FER1L6: variants seen among roughly 807,000 people sequenced by gnomAD.
The protein encoded by FER1L6 is fer-1-like protein 6.
Under a neutral mutation model 219.2 loss-of-function variants are expected in FER1L6, and 177 were observed. The observed-to-expected ratio is 0.81, with a 90% confidence interval of 0.71 to 0.91. FER1L6 has a LOEUF of 0.91. Ranked by LOEUF, FER1L6 falls within the 40% of genes least tolerant of loss-of-function variation. The probability of loss-of-function intolerance (pLI) is 0.00; values close to 1 mark genes in which losing one functional copy is unlikely to be tolerated. For missense variants in FER1L6, 2,153 were observed against 2,259.9 expected (o/e 0.95, Z 0.96); for synonymous variants, 768 against 824.3 (o/e 0.93, Z 1.17).
rs1287386147 is a variant in FER1L6, at chr8:123,973,532, C to T, written c.526+20C>T. On this transcript the variant is annotated intron_variant, in intron 7 of 40. Coordinates refer to ENST00000522917, the MANE Select transcript of FER1L6 (RefSeq NM_001039112.2). ...AACCTGGTAAGAAAACATCACCTCC[C>T]CATCTGTATCTCACTTGTCTTTGGT... 3.8e-6 allele frequency: 6 copies of T among 1,580,084 alleles called. No individual in the cohort carries two copies. Among genetic ancestry groups the T allele is most frequent in the Non-Finnish European group, 5.2e-6 (6 of 1,149,146 alleles).
At chr8:123,939,116 T>A in intron 1 of FER1L6, 9 of 967,524 alleles carry the variant, frequency 9.3e-6, no homozygotes, top group Non-Finnish European at 1.1e-5. Context: ...CATAGGTTTG[T>A]ACTTGCTGGA....
At chr8:123,946,198 C>G (rs772252282) in intron 1 of FER1L6, among the ~76,000 whole-genome samples, 16 of 152,154 alleles carry the variant, frequency 1.1e-4, no homozygotes, top group Admixed American at 6.6e-4. Flanking sequence ...TCTTTCTTTT[C>G]TCTGGACTGG....
At chr8:124,026,847 G>A (rs1049841869) in intron 18 of FER1L6, among the ~76,000 whole-genome samples, 43 of 152,032 alleles carry the variant, frequency 2.8e-4, no homozygotes, top group African/African-American at 1.0e-3. Context: ...TAGGGCTACT[G>A]TAACAAAGTA....
intron 31 of FER1L6, among the ~76,000 whole-genome samples, chr8:124,075,094 G>T (rs1415016036): frequency 6.6e-6 from 1 of 152,084 alleles, no homozygotes; most frequent in African/African-American, 2.4e-5. Context: ...GTACACTTAG[G>T]CTACACTAAA....
At chr8:123,938,471 G>A (rs948776321) in intron 1 of FER1L6, among the ~76,000 whole-genome samples, 4 of 151,742 alleles carry the variant, frequency 2.6e-5, no homozygotes, top group African/African-American at 9.7e-5. Flanking sequence ...ACAATAATAA[G>A]TCCAGTGCTA....
Position 123,963,330 on chromosome 8 carries a change from A to G in FER1L6, c.129A>G (p.Gly43=). The G allele has an allele frequency of 6.2e-7, 1 of 1,614,156 alleles. No individual in the cohort carries two copies. Among genetic ancestry groups the G allele is most frequent in the Non-Finnish European group, 8.5e-7 (1 of 1,179,972 alleles). The change falls in exon 3 of 41, where the codon GGA becomes GGG. Residue 43 remains glycine, a synonymous_variant. Transcript: ENST00000522917. The part of the protein sequence containing the change: ...ALQEEPSHQE[G]PRGDLVHDDA... The stretch of plus-strand genomic sequence containing the variant: ...AGGAGGAGCCTTCTCACCAGGAAGG[A>G]CCGAGAGGAGATTTGGTCCATGATG...
intron 1 of FER1L6, among the ~76,000 whole-genome samples, chr8:123,946,858 G>A (rs1019093072): frequency 5.9e-5 from 9 of 151,998 alleles, no homozygotes; most frequent in African/African-American, 9.7e-5. Context: ...ACAAAGACAC[G>A]GAAATGACTT....
chr8:123,868,416 C>T (rs1816872689), intron 1 of FER1L6, among the ~76,000 whole-genome samples: 1 of 152,282 alleles, frequency 6.6e-6, no homozygotes, highest in East Asian at 1.9e-4. Context: ...GGGCCTCTTG[C>T]TAGATGGAGT....
At chr8:123,955,384 T>C (rs1358528691) in intron 1 of FER1L6, among the ~76,000 whole-genome samples, 1 of 152,184 alleles carries the variant, frequency 6.6e-6, no homozygotes, top group Non-Finnish European at 1.5e-5. Flanking sequence ...AGCTGAGCTG[T>C]GCGCTTATGG....
At position 124,071,502 on chromosome 8, in the gene FER1L6, C is replaced by T; in HGVS notation, c.3967-4C>T. 4 of 1,613,912 alleles carry T rather than the reference C, an allele frequency of 2.5e-6. No homozygotes were observed. The highest frequency in any genetic ancestry group is 3.4e-6 in the Non-Finnish European group (4 of 1,179,888). Reference sequence around the variant, plus strand: ...TTTCAATGGGTTGCGTTTTGTGGTTCCAGGGCTCCTTCTGCATCTACAAAA... The same window carrying T: ...TTTCAATGGGTTGCGTTTTGTGGTTTCAGGGCTCCTTCTGCATCTACAAAA... On this transcript the variant is annotated splice_region_variant and splice_polypyrimidine_tract_variant and intron_variant, in intron 30 of 40. Coordinates refer to ENST00000522917, the MANE Select transcript of FER1L6 (RefSeq NM_001039112.2).
At chr8:124,056,155 T>TAAC (rs1820285428) in intron 22 of FER1L6, among the ~76,000 whole-genome samples, 1 of 152,186 alleles carries the variant, frequency 6.6e-6, no homozygotes, top group African/African-American at 2.4e-5. Flanking sequence ...CCATTTAAGG[T>TAAC]AACATACTTA....
intron 1 of FER1L6, among the ~76,000 whole-genome samples, chr8:123,895,066 A>C (rs772707829): frequency 2.8e-4 from 42 of 152,226 alleles, no homozygotes; most frequent in Non-Finnish European, 4.8e-4. Context: ...AGGCAAACTG[A>C]GATTGTATGC....
chr8:123,991,194 CTCTT>C (rs1370686553), intron 12 of FER1L6, among the ~76,000 whole-genome samples: 2 of 152,050 alleles, frequency 1.3e-5, no homozygotes, highest in African/African-American at 4.8e-5. Context: ...GCTATTTGTG[CTCTT>C]TTTTTGGTTT....
At chr8:124,100,535 C>G (rs1304174743) in intron 37 of FER1L6, among the ~76,000 whole-genome samples, 1 of 152,086 alleles carries the variant, frequency 6.6e-6, no homozygotes, top group Non-Finnish European at 1.5e-5. Context: ...TGCAGGCAGC[C>G]CTCCCACCCT....
In FER1L6 at chr8:124,017,713, G is replaced by A. The variant is rs1563746408; in HGVS notation, c.2008G>A (p.Glu670Lys). The A allele has an allele frequency of 6.2e-7, 1 of 1,612,518 alleles. No individual in the cohort carries two copies. The highest frequency in any genetic ancestry group is 1.7e-5 in the Admixed American group (1 of 59,944). ...DKKRLTLCWQ[E>K]LEAMCKEAKG... The stretch of plus-strand genomic sequence containing the variant: ...GAAGCGACTTACGCTCTGCTGGCAG[G>A]AGCTGGTATGTGAAAATCTATTTAT... Residue 670 changes from glutamate to lysine, a missense_variant, in exon 16 of 41, where the codon GAG becomes AAG. By Grantham distance (56) the Glu-to-Lys change is moderately conservative. Transcript: ENST00000522917.
At chr8:123,935,947 C>CAAAA (rs35857676) in intron 1 of FER1L6, among the ~76,000 whole-genome samples, 1 of 143,140 alleles carries the variant, frequency 7.0e-6, no homozygotes. Context: ...CTGGCTAATG[C>CAAAA]AAAAAAAAAA....
chr8:123,925,099 G>A (rs1813513197), intron 1 of FER1L6, among the ~76,000 whole-genome samples: 1 of 152,172 alleles, frequency 6.6e-6, no homozygotes, highest in Non-Finnish European at 1.5e-5. Flanking sequence ...CTTGTATTAA[G>A]GTACTGACAG....
chr8:123,925,136 A>T (rs961732640), intron 1 of FER1L6, among the ~76,000 whole-genome samples: 2 of 152,212 alleles, frequency 1.3e-5, no homozygotes, highest in Admixed American at 6.5e-5. Context: ...TATGTAATGG[A>T]CACTGAAAAC....
intron 31 of FER1L6, 133 bp downstream of exon 31, chr8:124,071,764 A>C: frequency 8.6e-7 from 1 of 1,160,178 alleles, no homozygotes; most frequent in Non-Finnish European, 1.2e-6. Context: ...TAAGTCTATA[A>C]TCAAGTTGCT....
Sources: allele counts gnomAD v4.1 joint callset (sites outside exome capture counted in the v4.1 genomes callset), GRCh38; gene constraint gnomAD v4.1.1; transcripts MANE v1.5; gene names NCBI Gene and HGNC (gene_info 2026-07-23, HGNC 2026-07-21).